SLC48A1: variants seen among roughly 807,000 people sequenced by gnomAD.
The protein encoded by SLC48A1 is solute carrier family 48 member 1.
In SLC48A1, 6 loss-of-function variants were observed where a neutral mutation model predicts 14.8. The observed-to-expected ratio is 0.41, with a 90% CI of 0.22 to 0.80. SLC48A1 has a LOEUF of 0.80. SLC48A1 is among the 30% of genes least tolerant of loss of function. SLC48A1 has a pLI of 0.34. For missense variants in SLC48A1, 165 were observed against 204.8 expected (o/e 0.81, Z 1.19); for synonymous variants, 89 against 90.0 (o/e 0.99, Z 0.06).
chr12:47,766,198 A>G (rs951081526), intron 2 of SLC48A1, among the ~76,000 whole-genome samples: 1 of 152,222 alleles, frequency 6.6e-6, no homozygotes, highest in Non-Finnish European at 1.5e-5. Flanking sequence ...TGAAGGCTCC[A>G]TGGTGACTTT....
intron 2 of SLC48A1, among the ~76,000 whole-genome samples, chr12:47,761,210 A>AG (rs1264339810): frequency 6.6e-6 from 1 of 151,148 alleles, no homozygotes; most frequent in Non-Finnish European, 1.5e-5. Context: ...AAAAAAAAAA[A>AG]AAGGCAGGGG....
upstream of SLC48A1, among the ~76,000 whole-genome samples, chr12:47,772,501 T>C (rs1396067219): frequency 6.6e-6 from 1 of 151,946 alleles, no homozygotes; most frequent in East Asian, 1.9e-4. Context: ...CGAGACCCTA[T>C]CTCTACAAAA....
intron 2 of SLC48A1, among the ~76,000 whole-genome samples, chr12:47,765,755 C>T (rs1327509804): frequency 6.6e-6 from 1 of 152,254 alleles, no homozygotes; most frequent in Non-Finnish European, 1.5e-5. Flanking sequence ...GCTGCCTCCT[C>T]CAGGAGAATG....
intron 1 of SLC48A1, chr12:47,758,806 A>G: frequency 5.7e-6 from 7 of 1,233,870 alleles, no homozygotes; most frequent in Non-Finnish European, 7.1e-6. Context: ...CACCGGCGAC[A>G]GGGAGCCCCG....
chr12:47,760,606 A>T (rs1942350103), intron 2 of SLC48A1, among the ~76,000 whole-genome samples: 1 of 144,782 alleles, frequency 6.9e-6, no homozygotes, highest in Non-Finnish European at 1.6e-5. Flanking sequence ...TATACATTTC[A>T]GCAGAGCTAC....
At chr12:47,774,113 A>ATCCTG (rs1942690104) in intron 1 of SLC48A1, among the ~76,000 whole-genome samples, 1 of 152,148 alleles carries the variant, frequency 6.6e-6, no homozygotes, top group Non-Finnish European at 1.5e-5. Flanking sequence ...GCTCTGCCAA[A>ATCCTG]TCCTGCAGGC....
chr12:47,780,557 C>CT lies in SLC48A1; in HGVS notation c.*286dup, dbSNP rs745923256. The CT allele has an allele frequency of 1.5e-3, 862 of 558,780 alleles. No homozygotes were observed. Among genetic ancestry groups the CT allele is most frequent in the Middle Eastern group, 2.9e-3 (7 of 2,382 alleles). The allele number at this position is 558,780 out of a possible 1,614,324, so 34.6% of individuals were successfully genotyped here. ...CAAATGAATCTGTTTTCTTTTCTTTCTTTTTTTTTTCTTTTTTTTTTTTTT... is the reference window on the plus strand; with the variant it reads ...CAAATGAATCTGTTTTCTTTTCTTTCTTTTTTTTTTTCTTTTTTTTTTTTTT... On this transcript the variant is annotated 3_prime_UTR_variant, in exon 3 of 3. Coordinates refer to ENST00000442218, the MANE Select transcript of SLC48A1 (RefSeq NM_017842.3).
intron 2 of SLC48A1, among the ~76,000 whole-genome samples, chr12:47,765,344 G>A (rs990426239): frequency 5.3e-5 from 8 of 152,220 alleles, no homozygotes; most frequent in African/African-American, 1.7e-4. Flanking sequence ...CTCAGGCCTT[G>A]CGGGGGATAG....
At chr12:47,758,052 C>T, upstream of SLC48A1, 1 of 1,572,080 alleles carries the variant, frequency 6.4e-7, no homozygotes, top group Non-Finnish European at 8.6e-7. Flanking sequence ...GGCCCACCTG[C>T]CAGCAGCTCT....
upstream of SLC48A1, chr12:47,757,851 G>A: frequency 6.5e-7 from 1 of 1,548,876 alleles, no homozygotes; most frequent in Non-Finnish European, 8.7e-7. Context: ...ACCTGGGCAG[G>A]TGAAAGGTAC....
chr12:47,778,959 G>A, intron 1 of SLC48A1, 69 bp from the exon 2 acceptor site: 2 of 1,459,852 alleles, frequency 1.4e-6, no homozygotes, highest in Non-Finnish European at 1.8e-6. Flanking sequence ...ATGCAAATAG[G>A]CCTGGTCTAG....
chr12:47,775,542 TCC>T (rs1942733122), intron 1 of SLC48A1, among the ~76,000 whole-genome samples: 1 of 152,208 alleles, frequency 6.6e-6, no homozygotes, highest in Admixed American at 6.5e-5. Flanking sequence ...CCTCCGACCT[TCC>T]CCACCATGAG....
upstream of SLC48A1, chr12:47,755,696 G>A (rs748803252): frequency 1.3e-5 from 2 of 152,168 alleles, no homozygotes; most frequent in Non-Finnish European, 2.9e-5. Context: ...TCTTGTCCTG[G>A]TCTAGGTAGG....
Position 47,773,263 on chromosome 12 carries a change from C to T in SLC48A1, c.-42C>T. On this transcript the variant is annotated 5_prime_UTR_variant, in exon 1 of 3. Transcript: ENST00000442218. ...GGCTTCGGGCCCTGCACCTGTGACT[C>T]TCGGCCGCGCTCGCCCTCGGCCCGC... 3.0e-6 allele frequency: 4 copies of T among 1,311,652 alleles called. No individual in the cohort carries two copies. The highest frequency in any genetic ancestry group is 2.9e-4 in the Middle Eastern group (1 of 3,432). 81.3% of individuals were successfully genotyped at this position (1,311,652 alleles called of 1,614,324 possible).
intron 2 of SLC48A1, chr12:47,760,456 C>A: frequency 1.0e-6 from 1 of 968,920 alleles, no homozygotes; most frequent in Non-Finnish European, 1.2e-6. Flanking sequence ...GTTGCTGGGG[C>A]CAGTGCCCTG....
chr12:47,769,604 T>C (rs978652197), upstream of SLC48A1: 1 of 152,258 alleles, frequency 6.6e-6, no homozygotes, highest in South Asian at 2.1e-4. Context: ...TTGGCGTATG[T>C]CATGCAATCC....
upstream of SLC48A1, chr12:47,773,210 TCTGGCGGCTCCCGCGGCTCCGG>T (rs1942664117): frequency 9.5e-7 from 1 of 1,054,878 alleles, no homozygotes; most frequent in Non-Finnish European, 1.1e-6. Flanking sequence ...CGCCGGCTGC[TCTGGCGGCTCCCGCGGCTCCGG>T]CTGGCGGCTT....
At chr12:47,760,522 G>C in intron 2 of SLC48A1, 1 of 467,502 alleles carries the variant, frequency 2.1e-6, no homozygotes, top group Non-Finnish European at 2.8e-6. Flanking sequence ...TCACAAAGGG[G>C]TCCCCTATTT....
At chr12:47,758,290 T>C, upstream of SLC48A1, 3 of 1,430,976 alleles carry the variant, frequency 2.1e-6, no homozygotes, top group Non-Finnish European at 2.7e-6. Context: ...AGCTGGCTCT[T>C]GGAAAAGATC....
Sources: gnomAD v4.1 joint callset for allele counts (sites outside exome capture counted in the v4.1 genomes callset) on GRCh38, gnomAD v4.1.1 for gene constraint, MANE v1.5 for transcripts, NCBI Gene and HGNC (gene_info 2026-07-23, HGNC 2026-07-21) for gene names.